DTNBP1: variants seen among roughly 807,000 people sequenced by gnomAD.
The protein encoded by DTNBP1 is dystrobrevin binding protein 1.
Under a neutral mutation model 42.8 loss-of-function variants are expected in DTNBP1, and 35 were observed. That is an observed-to-expected ratio of 0.82 (90% CI 0.63 to 1.09). DTNBP1 has a LOEUF of 1.09. Among genes scored for constraint, DTNBP1 ranks in the 50% least tolerant of loss-of-function variants. The pLI, the probability that DTNBP1 is intolerant of heterozygous loss-of-function variation, is 0.00. For synonymous variants in DTNBP1, 171 were observed against 162.2 expected (o/e 1.05, Z -0.41); for missense variants, 457 against 424.2 (o/e 1.08, Z -0.68).
intron 8 of DTNBP1, among the ~76,000 whole-genome samples, chr6:15,530,016 T>C (rs1772703492): frequency 1.3e-5 from 2 of 152,276 alleles, no homozygotes; most frequent in Admixed American, 6.5e-5. Flanking sequence ...ATATGTGCCT[T>C]CACCCCTTCC....
intron 6 of DTNBP1, among the ~76,000 whole-genome samples, chr6:15,601,929 G>C (rs1776747880): frequency 6.6e-6 from 1 of 151,012 alleles, no homozygotes; most frequent in African/African-American, 2.4e-5. Context: ...GGAAAATGTT[G>C]CTATCTTTGG....
chr6:15,576,239 C>A (rs1192397945), intron 7 of DTNBP1, among the ~76,000 whole-genome samples: 3 of 151,968 alleles, frequency 2.0e-5, no homozygotes, highest in Admixed American at 6.5e-5. Context: ...CTGCCTCAGA[C>A]TCCCGAGTAG....
chr6:15,617,688 C>T (rs2113709407), intron 5 of DTNBP1, among the ~76,000 whole-genome samples: 1 of 151,944 alleles, frequency 6.6e-6, no homozygotes, highest in African/African-American at 2.4e-5. Flanking sequence ...AAGAATGAAA[C>T]TAGACCCCTA....
intron 7 of DTNBP1, among the ~76,000 whole-genome samples, chr6:15,573,263 C>T (rs1376512787): frequency 2.0e-5 from 3 of 151,688 alleles, no homozygotes; most frequent in Admixed American, 2.0e-4. Flanking sequence ...TCTTTATCAC[C>T]ATATAGAAAA....
At chr6:15,633,000 G>A (rs576793073) in intron 4 of DTNBP1, among the ~76,000 whole-genome samples, 7 of 152,266 alleles carry the variant, frequency 4.6e-5, no homozygotes, top group Admixed American at 2.0e-4. Context: ...TTAAAACAAC[G>A]TGTGAGTAGA....
Position 15,584,340 on chromosome 6 carries a change from A to G in DTNBP1, c.511+8719T>C, listed in dbSNP as rs1262197774. On this transcript the variant is annotated intron_variant, in intron 7 of 9. Coordinates refer to ENST00000344537, the MANE Select transcript of DTNBP1 (RefSeq NM_032122.5). Reference sequence around the variant, plus strand: ...CTTAGAACCATTATTTAAGATAATGACTGAGAGAAGAGAAAATATGTCATT... The same window carrying G: ...CTTAGAACCATTATTTAAGATAATGGCTGAGAGAAGAGAAAATATGTCATT... Among the ~76,000 whole-genome samples, 3 of 152,138 alleles carry G rather than the reference A, an allele frequency of 2.0e-5. No homozygotes were observed. The East Asian group carries it at 5.8e-4, about 29-fold the overall frequency.
intron 5 of DTNBP1, among the ~76,000 whole-genome samples, chr6:15,618,362 A>G (rs1489398039): frequency 6.6e-6 from 1 of 152,070 alleles, no homozygotes; most frequent in Non-Finnish European, 1.5e-5. Flanking sequence ...AACAGGCACT[A>G]GGGACTCCAA....
chr6:15,547,791 C>G (rs115457223), intron 7 of DTNBP1, among the ~76,000 whole-genome samples: 4 of 152,244 alleles, frequency 2.6e-5, no homozygotes, highest in Admixed American at 1.3e-4. Flanking sequence ...GTGACCAGAT[C>G]TGTGCTTTGT....
intron 6 of DTNBP1, among the ~76,000 whole-genome samples, chr6:15,600,514 A>G (rs537850698): frequency 5.2e-4 from 79 of 152,306 alleles, no homozygotes; most frequent in African/African-American, 1.9e-3. Flanking sequence ...AGAAATCTTA[A>G]TATCTACATT....
intron 7 of DTNBP1, among the ~76,000 whole-genome samples, chr6:15,543,964 G>A (rs930202789): frequency 2.6e-5 from 4 of 152,116 alleles, no homozygotes; most frequent in East Asian, 3.8e-4. Flanking sequence ...GTGTGCTCTC[G>A]CCATTGTTCC....
chr6:15,584,874 T>C (rs943063607), intron 7 of DTNBP1, among the ~76,000 whole-genome samples: 2 of 149,196 alleles, frequency 1.3e-5, no homozygotes, highest in African/African-American at 4.9e-5. Context: ...CCATGGATAG[T>C]ACAATAAATT....
chr6:15,651,338 A>G lies in DTNBP1; in HGVS notation c.136T>C (p.Ser46Pro). Residue 46 changes from serine (S) to proline (P), a missense_variant, in exon 3 of 10, where the codon TCT (serine) becomes CCT (proline). Transcript: ENST00000344537. ...PRTVPFLPKY[S>P]AGLELLSRYE... ...CTGCTAAGTAATTCTAATCCAGCAGAGTACTTTGGCAAAAATGGAACAGTC... is the reference window on the plus strand; with the variant it reads ...CTGCTAAGTAATTCTAATCCAGCAGGGTACTTTGGCAAAAATGGAACAGTC... The G allele has an allele frequency of 1.2e-6, 2 of 1,612,026 alleles. No individual in the cohort carries two copies. The highest frequency in any genetic ancestry group is 1.7e-6 in the Non-Finnish European group (2 of 1,179,736).
chr6:15,563,812 C>T (rs1774945450), intron 7 of DTNBP1, among the ~76,000 whole-genome samples: 1 of 152,198 alleles, frequency 6.6e-6, no homozygotes, highest in African/African-American at 2.4e-5. Flanking sequence ...AATCCCAGCA[C>T]TTTGAGAGGC....
chr6:15,649,679 A>G (rs1445843686), intron 3 of DTNBP1, among the ~76,000 whole-genome samples: 3 of 152,242 alleles, frequency 2.0e-5, no homozygotes, highest in Non-Finnish European at 4.4e-5. Context: ...TAAAAATATG[A>G]TTTAAACATT....
intron 3 of DTNBP1, among the ~76,000 whole-genome samples, chr6:15,649,914 G>GA (rs1457954850): frequency 6.6e-6 from 1 of 152,018 alleles, no homozygotes; most frequent in Non-Finnish European, 1.5e-5. Flanking sequence ...AGTTTCTAGA[G>GA]AAAAAATAAA....
At chr6:15,555,342 G>C (rs942200446) in intron 7 of DTNBP1, among the ~76,000 whole-genome samples, 2 of 152,058 alleles carry the variant, frequency 1.3e-5, no homozygotes, top group Admixed American at 1.3e-4. Context: ...CTTGAATAGA[G>C]GCTGGGTAAA....
chr6:15,533,178 G>A (rs999153661), intron 8 of DTNBP1, 62 bp downstream of exon 8: 26 of 1,604,778 alleles, frequency 1.6e-5, no homozygotes, highest in Non-Finnish European at 2.0e-5. Flanking sequence ...TGGGGAGAGG[G>A]GTCCATCGCC....
chr6:15,639,989 C>T (rs1760249450), intron 3 of DTNBP1, among the ~76,000 whole-genome samples: 1 of 152,166 alleles, frequency 6.6e-6, no homozygotes. Context: ...TGCCATTATA[C>T]ATCACCCTCC....
At chr6:15,551,722 G>A (rs1774220920) in intron 7 of DTNBP1, among the ~76,000 whole-genome samples, 1 of 152,214 alleles carries the variant, frequency 6.6e-6, no homozygotes, top group Non-Finnish European at 1.5e-5. Flanking sequence ...AGCAAGCACT[G>A]TGTCTTTCAA....
Sources: allele counts gnomAD v4.1 joint callset (sites outside exome capture counted in the v4.1 genomes callset), GRCh38; gene constraint gnomAD v4.1.1; transcripts MANE v1.5; gene names NCBI Gene and HGNC (gene_info 2026-07-23, HGNC 2026-07-21).